Variants in HERC1 observed in about 807,000 individuals in gnomAD.
The protein encoded by HERC1 is probable E3 ubiquitin-protein ligase HERC1.
In HERC1, 160 loss-of-function variants were observed where a neutral mutation model predicts 554.3. The ratio of observed to expected loss-of-function variants is 0.29; its 90% CI spans 0.25 to 0.33. The LOEUF is 0.33. Among genes scored for constraint, HERC1 ranks in the 10% least tolerant of loss-of-function variants. HERC1 has a pLI of 1.00. For missense variants in HERC1, 4,919 were observed against 5,918.5 expected, an observed-to-expected ratio of 0.83 and a Z score of 5.54; for synonymous variants, 2,175 against 2,131.7, an observed-to-expected ratio of 1.02 and a Z score of -0.56.
chr15:63,672,784 TAA>T (rs2071002242), intron 38 of HERC1, 90 bp from the exon 39 acceptor site: 1 of 794,144 alleles, frequency 1.3e-6, no homozygotes, highest in African/African-American at 1.7e-5. Context: ...CTGTTTAATT[TAA>T]AAGTTTCTAA....
At chr15:63,664,802 T>TG (rs1295642554) in intron 42 of HERC1, among the ~76,000 whole-genome samples, 13 of 152,250 alleles carry the variant, frequency 8.5e-5, no homozygotes, top group South Asian at 2.1e-4. Flanking sequence ...TGTCTGATTT[T>TG]GAATTCTTCC....
intron 61 of HERC1, among the ~76,000 whole-genome samples, chr15:63,639,303 A>G (rs533862252): frequency 1.3e-5 from 2 of 152,374 alleles, no homozygotes; most frequent in African/African-American, 4.8e-5. Context: ...ATGTTTACAT[A>G]CACAAATACT....
rs2072503466 is a variant in HERC1, at chr15:63,697,707, G to A, written c.4905+1021C>T. Among the ~76,000 whole-genome samples the A allele has an allele frequency of 2.0e-5, 3 of 152,036 alleles. No individual in the cohort carries two copies. In the South Asian group the frequency reaches 6.2e-4, roughly 31 times the overall value. ...TGATCTCAGGTGATCCACCCACCTTGGCCTCCCAAAGTGCTGGGATTACAG... is the reference window on the plus strand; with the variant it reads ...TGATCTCAGGTGATCCACCCACCTTAGCCTCCCAAAGTGCTGGGATTACAG... On this transcript the variant is annotated intron_variant, in intron 26 of 77. Transcript: ENST00000443617.
intron 60 of HERC1, among the ~76,000 whole-genome samples, chr15:63,641,151 A>G (rs1221385125): frequency 1.3e-5 from 2 of 152,194 alleles, no homozygotes; most frequent in African/African-American, 4.8e-5. Context: ...AAAAATAGAT[A>G]TATGTGTGGG....
At chr15:63,807,629 C>A (rs2077175061) in intron 1 of HERC1, among the ~76,000 whole-genome samples, 1 of 152,190 alleles carries the variant, frequency 6.6e-6, no homozygotes, top group Non-Finnish European at 1.5e-5. Context: ...GATAGCTCCC[C>A]AGGCTTAAAA....
At chr15:63,787,418 A>C (rs1447249478) in intron 1 of HERC1, among the ~76,000 whole-genome samples, 1 of 152,078 alleles carries the variant, frequency 6.6e-6, no homozygotes, top group Admixed American at 6.6e-5. Context: ...CAGCCTCCCA[A>C]AGTGCTGGAA....
chr15:63,776,778 C>T (rs1304558538), intron 1 of HERC1, among the ~76,000 whole-genome samples: 2 of 152,060 alleles, frequency 1.3e-5, no homozygotes, highest in Non-Finnish European at 2.9e-5. Context: ...CCCGCCTGGA[C>T]AACACAGTGA....
intron 1 of HERC1, among the ~76,000 whole-genome samples, chr15:63,821,554 C>CAAA (rs35580549): frequency 1.6e-4 from 10 of 62,372 alleles, no homozygotes; most frequent in Admixed American, 3.8e-4. Context: ...GACTCTGTCT[C>CAAA]AAAAAAAAAA....
chr15:63,675,180 G>A lies in HERC1; in HGVS notation c.7071-63C>T, dbSNP rs895677256. 100 of 1,358,336 alleles carry A rather than the reference G, an allele frequency of 7.4e-5. No homozygotes were observed. The East Asian group carries it at 7.4e-4, about 10-fold the overall frequency. The allele number at this position is 1,358,336 out of a possible 1,614,324, so 84.1% of individuals were successfully genotyped here. Reference sequence around the variant, plus strand: ...TGAGGGAAAGACGGGAGGAAGGTACGGAAAATAATGTAGACAAAATAAGGT... The same window carrying A: ...TGAGGGAAAGACGGGAGGAAGGTACAGAAAATAATGTAGACAAAATAAGGT... On this transcript the variant is annotated intron_variant, in intron 37 of 77. Transcript: ENST00000443617.
chr15:63,744,333 G>C (rs933517837), intron 12 of HERC1, among the ~76,000 whole-genome samples: 1 of 152,072 alleles, frequency 6.6e-6, no homozygotes, highest in African/African-American at 2.4e-5. Context: ...CAAGCTTGCC[G>C]TAACCACTCC....
At chr15:63,753,384 T>A (rs944661694) in intron 7 of HERC1, among the ~76,000 whole-genome samples, 10 of 152,208 alleles carry the variant, frequency 6.6e-5, no homozygotes, top group African/African-American at 2.2e-4. Context: ...AATGGCTATA[T>A]TTCTAACTTC....
intron 58 of HERC1, 56 bp from the exon 59 acceptor site, chr15:63,643,114 T>C: frequency 3.5e-6 from 4 of 1,148,802 alleles, no homozygotes; most frequent in Non-Finnish European, 5.1e-6. Context: ...ATAATTTACA[T>C]TTAAATTTCT....
At chr15:63,622,789 T>A in intron 74 of HERC1, 26 bp downstream of exon 74, 1 of 1,524,846 alleles carries the variant, frequency 6.6e-7, no homozygotes, top group Non-Finnish European at 8.9e-7. Context: ...TTTAGACATA[T>A]AATGAACACT....
chr15:63,764,292 GT>G, intron 2 of HERC1, 101 bp from the exon 3 acceptor site: 1 of 752,844 alleles, frequency 1.3e-6, no homozygotes, highest in Non-Finnish European at 2.2e-6. Context: ...TTGAAGACCT[GT>G]TTATATAATT....
At chr15:63,665,809 A>G in intron 42 of HERC1, 110 bp downstream of exon 42, 3 of 768,476 alleles carry the variant, frequency 3.9e-6, no homozygotes, top group South Asian at 4.1e-5. Flanking sequence ...TCATATAACT[A>G]TATTTATCAA....
intron 24 of HERC1, 129 bp from the exon 25 acceptor site, chr15:63,706,960 C>T: frequency 3.4e-6 from 2 of 586,120 alleles, no homozygotes; most frequent in Admixed American, 6.1e-5. Context: ...TCATTCAAGT[C>T]AAACTAATAA....
chr15:63,648,223 T>C, intron 54 of HERC1, 24 bp from the exon 55 acceptor site: 1 of 1,580,116 alleles, frequency 6.3e-7, no homozygotes, highest in Non-Finnish European at 8.6e-7. Flanking sequence ...AACAAAAGAG[T>C]AAGGAAAAGA....
rs1046332812 is a variant in HERC1, at chr15:63,608,848, T to C, written c.*233A>G. On this transcript the variant is annotated 3_prime_UTR_variant, in exon 78 of 78. Coordinates refer to ENST00000443617, the MANE Select transcript of HERC1 (RefSeq NM_003922.4). Reference sequence around the variant, plus strand: ...AACTTATCAAAAGTGACCAAAAATATGGAGGGAAAAACCTGACTGAGAGCA... The same window carrying C: ...AACTTATCAAAAGTGACCAAAAATACGGAGGGAAAAACCTGACTGAGAGCA... 1.9e-5 allele frequency: 7 copies of C among 377,078 alleles called. No individual in the cohort carries two copies. In the South Asian group the frequency reaches 3.6e-4, roughly 19 times the overall value. The allele number at this position is 377,078 out of a possible 1,614,324, so 23.4% of individuals were successfully genotyped here. A position where few individuals can be genotyped will look rare whatever the true frequency, so the allele number is the denominator to read the frequency against.
At position 63,819,772 on chromosome 15, in the gene HERC1, G is replaced by C. The variant is rs77964412; in HGVS notation, c.-27+14055C>G. Among the ~76,000 whole-genome samples, 131 of 152,204 alleles carry C rather than the reference G, an allele frequency of 8.6e-4. 1 individual carries two copies. The highest frequency in any genetic ancestry group is 3.1e-3 in the African/African-American group (130 of 41,528). ...TATCAGCCAAAACTATGTCATTGAG[G>C]CTGGCCATGTCTATGCTCTGCCCCC... On this transcript the variant is annotated intron_variant, in intron 1 of 77. Transcript: ENST00000443617.
Sources: allele counts gnomAD v4.1 joint callset (sites outside exome capture counted in the v4.1 genomes callset), GRCh38; gene constraint gnomAD v4.1.1; transcripts MANE v1.5; gene names NCBI Gene and HGNC (gene_info 2026-07-23, HGNC 2026-07-21).